The following SUGCT variants were observed in gnomAD, a reference collection of about 807,000 sequenced individuals.
SUGCT encodes the protein succinyl-CoA:glutarate-CoA transferase.
Under a neutral mutation model 55.0 loss-of-function variants are expected in SUGCT, and 41 were observed. The observed-to-expected ratio is 0.74, with a 90% confidence interval of 0.58 to 0.97. The LOEUF (loss-of-function observed/expected upper bound fraction) is 0.97. Ranked by LOEUF, SUGCT falls within the 50% of genes least tolerant of loss-of-function variation. The pLI, the probability that SUGCT is intolerant of heterozygous loss-of-function variation, is 0.00. For synonymous variants in SUGCT, 187 were observed against 200.4 expected, an observed-to-expected ratio of 0.93 and a Z score of 0.56; for missense variants, 568 against 547.8, an observed-to-expected ratio of 1.04 and a Z score of -0.37.
At chr7:40,476,511 A>G (rs2151479858) in intron 11 of SUGCT, among the ~76,000 whole-genome samples, 1 of 152,314 alleles carries the variant, frequency 6.6e-6, no homozygotes, top group East Asian at 1.9e-4. Flanking sequence ...AATCATATGC[A>G]CATAACAATT....
intron 11 of SUGCT, among the ~76,000 whole-genome samples, chr7:40,475,208 G>A (rs1790596937): frequency 6.6e-6 from 1 of 152,064 alleles, no homozygotes; most frequent in African/African-American, 2.4e-5. Flanking sequence ...CAACATGATT[G>A]CTGTCTCTGC....
intron 9 of SUGCT, among the ~76,000 whole-genome samples, chr7:40,447,588 A>G (rs1788912049): frequency 6.6e-6 from 1 of 152,156 alleles, no homozygotes; most frequent in Non-Finnish European, 1.5e-5. Context: ...GGAACAAAGG[A>G]ACATTCAAGA....
chr7:40,205,640 CAA>C (rs67396482), intron 6 of SUGCT, among the ~76,000 whole-genome samples: 1,615 of 77,536 alleles, frequency 0.021, 28 homozygotes, highest in African/African-American at 0.073. Flanking sequence ...AACTTCATCT[CAA>C]AAAAAAAAAA....
At chr7:40,219,172 C>T (rs914351844) in intron 6 of SUGCT, among the ~76,000 whole-genome samples, 8 of 152,116 alleles carry the variant, frequency 5.3e-5, no homozygotes, top group Non-Finnish European at 1.0e-4. Flanking sequence ...CAGCTTCCCT[C>T]CTGAAGTCAG....
chr7:40,310,758 T>C (rs1280970364), intron 8 of SUGCT, among the ~76,000 whole-genome samples: 1 of 152,246 alleles, frequency 6.6e-6, no homozygotes, highest in Non-Finnish European at 1.5e-5. Flanking sequence ...TATTGTTATA[T>C]ACAGATGTCA....
chr7:40,868,228 G>A, the SUGCT span, among the ~76,000 whole-genome samples: 1 of 152,024 alleles, frequency 6.6e-6, no homozygotes, highest in East Asian at 1.9e-4. Context: ...GGATACATGT[G>A]CAGAACATGC....
chr7:40,434,399 AT>A (rs1056633301), intron 9 of SUGCT, among the ~76,000 whole-genome samples: 16 of 149,420 alleles, frequency 1.1e-4, no homozygotes, highest in Non-Finnish European at 1.5e-4. Context: ...GGCTGGTCCC[AT>A]TTTTTTTTTC....
At chr7:40,653,008 T>C (rs1252208589) in intron 12 of SUGCT, among the ~76,000 whole-genome samples, 2 of 152,228 alleles carry the variant, frequency 1.3e-5, no homozygotes, top group Non-Finnish European at 2.9e-5. Context: ...TCCTCCCAGT[T>C]TGTCTTGAAA....
intron 9 of SUGCT, among the ~76,000 whole-genome samples, chr7:40,327,959 G>C (rs189206216): frequency 9.9e-5 from 15 of 152,280 alleles, no homozygotes; most frequent in African/African-American, 3.6e-4. Context: ...AGAGAGTTTA[G>C]ATAACTTGTG....
intron 8 of SUGCT, among the ~76,000 whole-genome samples, chr7:40,312,109 G>A (rs182520896): frequency 6.2e-4 from 93 of 148,944 alleles, no homozygotes; most frequent in African/African-American, 2.0e-3. Context: ...GCGCGATCTC[G>A]GCTCACCGCA....
intron 13 of SUGCT, among the ~76,000 whole-genome samples, chr7:40,825,344 C>A (rs1043354988): frequency 6.6e-6 from 1 of 152,084 alleles, no homozygotes; most frequent in African/African-American, 2.4e-5. Flanking sequence ...TCCTACATAA[C>A]AAACAAGTGA....
chr7:40,680,639 A>T (rs1452314294), intron 12 of SUGCT, among the ~76,000 whole-genome samples: 1 of 152,166 alleles, frequency 6.6e-6, no homozygotes, highest in Non-Finnish European at 1.5e-5. Context: ...GGAGGAAAAA[A>T]ATCTCATATT....
At chr7:40,564,307 C>T (rs966691500) in intron 12 of SUGCT, among the ~76,000 whole-genome samples, 17 of 152,114 alleles carry the variant, frequency 1.1e-4, no homozygotes, top group African/African-American at 2.2e-4. Flanking sequence ...ATCCGGGAAG[C>T]GGAGTTTGCA....
At chr7:40,457,446 A>C (rs993196587) in intron 10 of SUGCT, among the ~76,000 whole-genome samples, 3 of 152,176 alleles carry the variant, frequency 2.0e-5, no homozygotes, top group Non-Finnish European at 4.4e-5. Context: ...TGTCTCAAAA[A>C]AAAAAATATC....
At chr7:40,684,577 C>G (rs1362735325) in intron 12 of SUGCT, among the ~76,000 whole-genome samples, 1 of 152,124 alleles carries the variant, frequency 6.6e-6, no homozygotes, top group East Asian at 1.9e-4. Context: ...CTAATTATAT[C>G]TAGGTTTCTA....
the SUGCT span, among the ~76,000 whole-genome samples, chr7:41,031,446 T>A: frequency 1.4e-5 from 2 of 146,414 alleles, no homozygotes; most frequent in Non-Finnish European, 2.9e-5. Flanking sequence ...GGAATGGAAT[T>A]GTCTCAACTG....
At chr7:40,909,626 C>T in the SUGCT span, among the ~76,000 whole-genome samples, 1 of 152,150 alleles carries the variant, frequency 6.6e-6, no homozygotes, top group East Asian at 1.9e-4. Flanking sequence ...CTTTGCTTGG[C>T]TTTTCATTCT....
At chr7:40,153,698 G>A (rs375105697) in intron 1 of SUGCT, 1 of 502,212 alleles carries the variant, frequency 2.0e-6, no homozygotes, top group Non-Finnish European at 4.0e-6. Context: ...TTATATTCTG[G>A]TGATAATAAT....
chr7:40,187,517 A>G (rs1427918435), intron 3 of SUGCT, among the ~76,000 whole-genome samples: 1 of 152,190 alleles, frequency 6.6e-6, no homozygotes, highest in East Asian at 1.9e-4. Flanking sequence ...TCCTTTAACC[A>G]TACATTTCCT....
Sources: gnomAD v4.1 joint callset for allele counts (sites outside exome capture counted in the v4.1 genomes callset) on GRCh38, gnomAD v4.1.1 for gene constraint, MANE v1.5 for transcripts, NCBI Gene and HGNC (gene_info 2026-07-23, HGNC 2026-07-21) for gene names.